Variants in CRB1 observed in about 807,000 individuals in gnomAD.
The protein encoded by CRB1 is protein crumbs homolog 1.
Under a neutral mutation model 120.0 loss-of-function variants are expected in CRB1, and 83 were observed. That is an observed-to-expected ratio of 0.69 (90% CI 0.58 to 0.83). The LOEUF is 0.83. Ranked by LOEUF, CRB1 falls within the 40% of genes least tolerant of loss-of-function variation. CRB1 has a pLI of 0.00. For synonymous variants in CRB1, 625 were observed against 612.5 expected (o/e 1.02, Z -0.30); for missense variants, 1,699 against 1,687.6 (o/e 1.01, Z -0.12).
At chr1:197,307,872 C>T (rs145315955) in intron 1 of CRB1, among the ~76,000 whole-genome samples, 38 of 152,276 alleles carry the variant, frequency 2.5e-4, no homozygotes, top group African/African-American at 8.2e-4. Flanking sequence ...AGCTACGTGA[C>T]CTTGAACAAG....
In CRB1 at chr1:197,345,710, G is replaced by A. The variant is rs188784967; in HGVS notation, c.848+1234G>A. Among the ~76,000 whole-genome samples, 4 of 151,990 alleles carry A rather than the reference G, an allele frequency of 2.6e-5. No individual in the cohort carries two copies. The East Asian group carries it at 5.8e-4, about 22-fold the overall frequency. On this transcript the variant is annotated intron_variant, in intron 3 of 11. Transcript: ENST00000367400. ...TTTAGTAGAGATAGGGTTTCACCAT[G>A]TTGGCGAGGCTGGTCTCGAACTCCT... is the stretch of plus-strand genomic sequence containing the variant.
At chr1:197,460,763 A>G (rs1666494220) in intron 11 of CRB1, among the ~76,000 whole-genome samples, 2 of 152,122 alleles carry the variant, frequency 1.3e-5, no homozygotes, top group African/African-American at 4.8e-5. Flanking sequence ...GACTGTTTTT[A>G]AGCAGACTGT....
chr1:197,304,453 C>T, intron 1 of CRB1: 1 of 878,198 alleles, frequency 1.1e-6, no homozygotes, highest in East Asian at 1.2e-4. Flanking sequence ...CTCACTTAAC[C>T]TCTATGATTT....
chr1:197,307,728 G>A (rs1043983552), intron 1 of CRB1, among the ~76,000 whole-genome samples: 1 of 152,206 alleles, frequency 6.6e-6, no homozygotes, highest in Non-Finnish European at 1.5e-5. Flanking sequence ...ACTCATTAAT[G>A]TATTAGTACT....
At chr1:197,356,366 T>C (rs1288644340) in intron 4 of CRB1, among the ~76,000 whole-genome samples, 1 of 152,248 alleles carries the variant, frequency 6.6e-6, no homozygotes, top group Non-Finnish European at 1.5e-5. Context: ...CCATGCAAAT[T>C]TAAAACAACC....
intron 5 of CRB1, chr1:197,363,772 A>G: frequency 1.5e-6 from 1 of 645,984 alleles, no homozygotes; most frequent in Non-Finnish European, 2.9e-6. Context: ...ATGCCTGGCA[A>G]CGGGTCTTTG....
intron 11 of CRB1, among the ~76,000 whole-genome samples, chr1:197,450,407 T>G (rs1319847832): frequency 6.6e-6 from 1 of 152,156 alleles, no homozygotes; most frequent in African/African-American, 2.4e-5. Flanking sequence ...TTTTAGCTTA[T>G]TTTAGCAGGT....
chr1:197,254,979 TTTG>T, the CRB1 span, among the ~76,000 whole-genome samples: 954 of 152,142 alleles, frequency 6.3e-3, 13 homozygotes, highest in African/African-American at 0.022. Context: ...CTCACTGGAT[TTTG>T]TTGTTGTTAA....
the CRB1 span, among the ~76,000 whole-genome samples, chr1:197,206,405 C>T: frequency 6.6e-6 from 1 of 152,114 alleles, no homozygotes; most frequent in Non-Finnish European, 1.5e-5. Context: ...ATGAACTTTC[C>T]TTTTAGCACT....
intron 6 of CRB1, among the ~76,000 whole-genome samples, chr1:197,424,261 A>G (rs1277825914): frequency 2.0e-5 from 3 of 152,160 alleles, no homozygotes; most frequent in Non-Finnish European, 4.4e-5. Context: ...AAATTGCCCA[A>G]AAGTTATTTC....
intron 1 of CRB1, among the ~76,000 whole-genome samples, chr1:197,290,270 G>GTGTA: frequency 6.8e-6 from 1 of 147,122 alleles, no homozygotes; most frequent in Middle Eastern, 3.5e-3. Context: ...CCTTTCGTGT[G>GTGTA]TGTGTGTGTG....
At chr1:197,357,297 A>T (rs928690771) in intron 5 of CRB1, 7 of 460,930 alleles carry the variant, frequency 1.5e-5, no homozygotes, top group Admixed American at 1.1e-4. Flanking sequence ...TACGTTACAC[A>T]CAGAAAATGT....
At position 197,421,087 on chromosome 1, in the gene CRB1, CT is replaced by C; in HGVS notation, c.1261del (p.Cys421AlafsTer31). On this transcript the variant is annotated frameshift_variant, in exon 6 of 12. Coordinates refer to ENST00000367400, the MANE Select transcript of CRB1 (RefSeq NM_201253.3). LOFTEE classifies it high-confidence loss of function. Reference protein sequence around the residue: ...GTCENLPGNYTCHCPFDNLSR... With the variant: ...GTCENLPGNYXCHCPFDNLSR... ...TGTGAGAACTTGCCTGGGAATTATA[CT>C]TGCCATTGCCCATTTGATAACCTTT... 6.2e-7 allele frequency: 1 copy of C among 1,614,250 alleles called. No homozygotes were observed. Among genetic ancestry groups the C allele is most frequent in the Non-Finnish European group, 8.5e-7 (1 of 1,180,042 alleles).
intron 8 of CRB1, 23 bp downstream of exon 8, chr1:197,429,637 A>G (rs1227261817): frequency 4.3e-6 from 7 of 1,610,536 alleles, no homozygotes; most frequent in Admixed American, 3.3e-5. Flanking sequence ...CAAACCTACC[A>G]TCTCACCAGT....
intron 5 of CRB1, among the ~76,000 whole-genome samples, chr1:197,383,393 C>T (rs1375554547): frequency 6.6e-6 from 1 of 152,194 alleles, no homozygotes; most frequent in Admixed American, 6.5e-5. Flanking sequence ...TTCTCTGCCT[C>T]TTGCAAATGC....
At chr1:197,408,638 A>G (rs1158868366) in intron 5 of CRB1, among the ~76,000 whole-genome samples, 1 of 152,208 alleles carries the variant, frequency 6.6e-6, no homozygotes, top group East Asian at 1.9e-4. Flanking sequence ...ATTTCTTAGA[A>G]CAGCAACATC....
chr1:197,316,351 A>AT (rs1389969207), intron 1 of CRB1, among the ~76,000 whole-genome samples: 8 of 151,362 alleles, frequency 5.3e-5, no homozygotes, highest in African/African-American at 1.7e-4. Flanking sequence ...AGCCCGGCTG[A>AT]TTTTTTGTAT....
intron 5 of CRB1, among the ~76,000 whole-genome samples, chr1:197,359,155 C>T (rs2821119): frequency 0.062 from 9,415 of 152,192 alleles, 1,024 homozygotes; most frequent in African/African-American, 0.21. Context: ...GTTCAGCTAT[C>T]AGACTTGCAT....
At chr1:197,386,827 G>A (rs554210368) in intron 5 of CRB1, among the ~76,000 whole-genome samples, 19 of 152,080 alleles carry the variant, frequency 1.2e-4, no homozygotes, top group African/African-American at 4.6e-4. Context: ...TAAGAAAATC[G>A]GAGCGAATAT....
Sources: allele counts gnomAD v4.1 joint callset (sites outside exome capture counted in the v4.1 genomes callset), GRCh38; gene constraint gnomAD v4.1.1; transcripts MANE v1.5; gene names NCBI Gene and HGNC (gene_info 2026-07-23, HGNC 2026-07-21).